EPC2: variants seen among roughly 807,000 people sequenced by gnomAD.
The protein encoded by EPC2 is enhancer of polycomb 2, also known as enhancer of polycomb homolog 2.
In EPC2, 14 loss-of-function variants were observed where a neutral mutation model predicts 92.1. The ratio of observed to expected loss-of-function variants is 0.15; its 90% confidence interval spans 0.10 to 0.24. The LOEUF is 0.24. Ranked by LOEUF, EPC2 falls within the 10% of genes least tolerant of loss-of-function variation. The probability of loss-of-function intolerance (pLI) is 1.00; values close to 1 mark genes in which losing one functional copy is unlikely to be tolerated. For missense variants in EPC2, 755 were observed against 971.5 expected (o/e 0.78, Z 2.96); for synonymous variants, 340 against 334.7 (o/e 1.02, Z -0.17).
intron 1 of EPC2, chr2:148,645,555 G>A (rs999803640): frequency 5.9e-5 from 11 of 184,962 alleles, no homozygotes; most frequent in Admixed American, 1.2e-4. Flanking sequence ...GGCTAGGCAA[G>A]ATTATTATTT....
intron 2 of EPC2, among the ~76,000 whole-genome samples, chr2:148,698,140 A>G (rs1485489040): frequency 6.6e-6 from 1 of 152,174 alleles, no homozygotes; most frequent in South Asian, 2.1e-4. Flanking sequence ...GGCAGCCTCT[A>G]TGATGATGAT....
rs77575190 is a variant in EPC2, at chr2:148,722,146, G to A, written c.314-21476G>A. Among the ~76,000 whole-genome samples the A allele has an allele frequency of 9.3e-3, 1,408 of 152,014 alleles. 29 individuals carry two copies. The highest frequency in any genetic ancestry group is 0.032 in the African/African-American group (1,343 of 41,448). ...CAGAAATACAGGACTTTAATGATGC[G>A]GTTTTATGGTGTGTTTTGTGGGGTG... is the stretch of plus-strand genomic sequence containing the variant. On this transcript the variant is annotated intron_variant, in intron 2 of 13. Coordinates refer to ENST00000258484, the MANE Select transcript of EPC2 (RefSeq NM_015630.4).
intron 4 of EPC2, among the ~76,000 whole-genome samples, chr2:148,757,301 G>A (rs1029117526): frequency 2.6e-5 from 4 of 151,922 alleles, no homozygotes; most frequent in South Asian, 2.1e-4. Context: ...ACTTGAACCC[G>A]GGAGGCGGAG....
chr2:148,723,062 A>G (rs559875342), intron 2 of EPC2, among the ~76,000 whole-genome samples: 15 of 152,248 alleles, frequency 9.9e-5, no homozygotes, highest in South Asian at 8.3e-4. Context: ...TCGAAAAACT[A>G]TCTATTGGGT....
chr2:148,680,534 T>C lies in EPC2; in HGVS notation c.154-9680T>C, dbSNP rs116567394. ...CACTTCTATATCTTGAGGCCGGATA[T>C]TTATTTCGTTTGGAGGTTGATAAAT... On this transcript the variant is annotated intron_variant, in intron 1 of 13. Transcript: ENST00000258484. Among the ~76,000 whole-genome samples the C allele has an allele frequency of 7.2e-3, 1,091 of 152,342 alleles. 5 individuals carry two copies. Among genetic ancestry groups the C allele is most frequent in the African/African-American group, 0.025 (1,025 of 41,578 alleles).
intron 1 of EPC2, among the ~76,000 whole-genome samples, chr2:148,661,089 C>G (rs983592073): frequency 2.0e-5 from 3 of 152,066 alleles, no homozygotes; most frequent in African/African-American, 7.2e-5. Context: ...ATTGTTTTGT[C>G]TAACTCCCAA....
chr2:148,705,929 A>G (rs1024747692), intron 2 of EPC2, among the ~76,000 whole-genome samples: 1 of 152,242 alleles, frequency 6.6e-6, no homozygotes, highest in Non-Finnish European at 1.5e-5. Context: ...TCTAAAAACC[A>G]GAGCGCCCCT....
chr2:148,785,983 G>T (rs993360475), intron 13 of EPC2, among the ~76,000 whole-genome samples: 2 of 149,388 alleles, frequency 1.3e-5, no homozygotes, highest in African/African-American at 4.9e-5. Flanking sequence ...TTCATCTCTC[G>T]AGAAAAAAAA....
chr2:148,665,396 C>T (rs987884089), intron 1 of EPC2, among the ~76,000 whole-genome samples: 6 of 152,028 alleles, frequency 3.9e-5, no homozygotes, highest in Non-Finnish European at 1.5e-5. Context: ...TTTCCAGTCT[C>T]GAGTGAATAT....
At chr2:148,690,746 TC>T (rs1681628821) in intron 2 of EPC2, among the ~76,000 whole-genome samples, 1 of 152,120 alleles carries the variant, frequency 6.6e-6, no homozygotes, top group African/African-American at 2.4e-5. Context: ...CACTGCAACC[TC>T]TGCCTTCTGG....
At chr2:148,663,194 G>GTATTATTAT (rs56337513) in intron 1 of EPC2, among the ~76,000 whole-genome samples, 14,460 of 136,050 alleles carry the variant, frequency 0.11, 929 homozygotes, top group Non-Finnish European at 0.13. Flanking sequence ...CTGTGTTTTT[G>GTATTATTAT]TATTATTATT....
rs1317068214 is a variant in EPC2, at chr2:148,783,633, G to A, written c.1894G>A (p.Asp632Asn). 3 of 1,607,676 alleles carry A rather than the reference G, an allele frequency of 1.9e-6. No homozygotes were observed. Among genetic ancestry groups the A allele is most frequent in the African/African-American group, 2.7e-5 (2 of 74,868 alleles). ...CTCTGACTGTATGTCTAAAACACTT[G>A]ACTCAGCCAGCGCCCACTTTGCTGC... The part of the protein sequence containing the change: ...STSDCMSKTL[D>N]SASAHFAASA... Residue 632 changes from aspartate to asparagine, a missense_variant, in exon 12 of 14, where the codon GAC becomes AAC. Physicochemically the swap from Asp to Asn is conservative, Grantham distance 23. This residue lies in a region of EPC2 where 207 missense variants were observed against 260.5 expected (regional missense o/e 0.79). Transcript: ENST00000258484.
intron 2 of EPC2, among the ~76,000 whole-genome samples, chr2:148,728,235 C>A (rs1682536685): frequency 1.3e-5 from 2 of 152,164 alleles, no homozygotes; most frequent in South Asian, 2.1e-4. Context: ...GCCACCACAC[C>A]CTGCCAAGAA....
At chr2:148,655,258 G>C (rs1680767459) in intron 1 of EPC2, among the ~76,000 whole-genome samples, 1 of 152,126 alleles carries the variant, frequency 6.6e-6, no homozygotes, top group African/African-American at 2.4e-5. Flanking sequence ...CAAGTGAAGG[G>C]TATTGGCATC....
chr2:148,713,296 A>T (rs1258690023), intron 2 of EPC2, among the ~76,000 whole-genome samples: 2 of 152,148 alleles, frequency 1.3e-5, no homozygotes, highest in Non-Finnish European at 2.9e-5. Flanking sequence ...GATGATCATG[A>T]CCCAGTGTAG....
intron 1 of EPC2, chr2:148,645,465 C>A (rs548935515): frequency 6.9e-5 from 25 of 363,536 alleles, no homozygotes; most frequent in African/African-American, 4.5e-4. Flanking sequence ...ATGCGCTGGC[C>A]GCTCTTGGCG....
At chr2:148,674,294 C>T (rs879759374) in intron 1 of EPC2, among the ~76,000 whole-genome samples, 4 of 152,192 alleles carry the variant, frequency 2.6e-5, no homozygotes, top group Non-Finnish European at 4.4e-5. Flanking sequence ...GGTGCTGCAG[C>T]AAGCCACTGA....
At chr2:148,728,984 A>T (rs1357272546) in intron 2 of EPC2, among the ~76,000 whole-genome samples, 2 of 136,164 alleles carry the variant, frequency 1.5e-5, no homozygotes, top group African/African-American at 5.4e-5. Flanking sequence ...GTGAGGCAAG[A>T]TCGCGCCACT....
At chr2:148,723,309 G>A (rs982922110) in intron 2 of EPC2, among the ~76,000 whole-genome samples, 4 of 152,158 alleles carry the variant, frequency 2.6e-5, no homozygotes, top group African/African-American at 7.2e-5. Context: ...TTTTCCCTAA[G>A]TATTCACTGT....
Sources: gnomAD v4.1 joint callset for allele counts (sites outside exome capture counted in the v4.1 genomes callset) on GRCh38, gnomAD v4.1.1 for gene constraint, gnomAD v4.1.1 regional missense constraint, MANE v1.5 for transcripts, NCBI Gene and HGNC (gene_info 2026-07-23, HGNC 2026-07-21) for gene names.